The following USH2A variants were observed in gnomAD, a reference collection of about 807,000 sequenced individuals.
The protein encoded by USH2A is Usher syndrome 2A (autosomal recessive, mild).
In USH2A, 443 loss-of-function variants were observed where a neutral mutation model predicts 538.9. The observed-to-expected ratio is 0.82, with a 90% CI of 0.76 to 0.89. The LOEUF is 0.89. Among genes scored for constraint, USH2A ranks in the 40% least tolerant of loss-of-function variants. USH2A has a pLI of 0.00. For synonymous variants in USH2A, 2,413 were observed against 2,273.5 expected, an observed-to-expected ratio of 1.06 and a Z score of -1.75; for missense variants, 6,633 against 6,324.8, an observed-to-expected ratio of 1.05 and a Z score of -1.65.
At chr1:215,787,295 C>G (rs1661829364) in intron 51 of USH2A, among the ~76,000 whole-genome samples, 1 of 152,054 alleles carries the variant, frequency 6.6e-6, no homozygotes, top group Non-Finnish European at 1.5e-5. Context: ...TTTATTTTTG[C>G]TATTTGATAC....
At chr1:215,722,048 G>A (rs1298839186) in intron 61 of USH2A, among the ~76,000 whole-genome samples, 2 of 141,970 alleles carry the variant, frequency 1.4e-5, no homozygotes, top group Non-Finnish European at 3.0e-5. Flanking sequence ...CTGTGTGACA[G>A]AGCAAGACCC....
At chr1:216,255,758 G>T (rs2036247056) in intron 11 of USH2A, among the ~76,000 whole-genome samples, 1 of 152,096 alleles carries the variant, frequency 6.6e-6, no homozygotes, top group African/African-American at 2.4e-5. Context: ...GGTTGACAGT[G>T]TTGTTCTAAT....
intron 61 of USH2A, among the ~76,000 whole-genome samples, chr1:215,681,922 A>G (rs61331158): frequency 0.029 from 4,469 of 152,282 alleles, 214 homozygotes; most frequent in African/African-American, 0.1. Context: ...CAGACTCTGA[A>G]ACAAATTTTA....
intron 13 of USH2A, among the ~76,000 whole-genome samples, chr1:216,235,403 G>T (rs2035788536): frequency 6.6e-6 from 1 of 152,116 alleles, no homozygotes; most frequent in Non-Finnish European, 1.5e-5. Context: ...ACGTAGTGCT[G>T]AGAGTTCACA....
intron 11 of USH2A, among the ~76,000 whole-genome samples, chr1:216,278,028 C>T (rs750046617): frequency 2.6e-5 from 4 of 152,116 alleles, no homozygotes; most frequent in African/African-American, 7.2e-5. Context: ...AACTACATTG[C>T]TATTGGTAGC....
At position 216,229,266 on chromosome 1, in the gene USH2A, C is replaced by A. The variant is rs2035627966; in HGVS notation, c.2993+2687G>T. Among the ~76,000 whole-genome samples the A allele has an allele frequency of 2.0e-5, 3 of 151,886 alleles. No homozygotes were observed. The South Asian group carries it at 6.2e-4, about 32-fold the overall frequency. ...TTTAGCTCTATTTTCTAGACTCCAA[C>A]CTGCCCCTCATTCTTTTTGCGAATC... On this transcript the variant is annotated intron_variant, in intron 14 of 71. Coordinates refer to ENST00000307340, the MANE Select transcript of USH2A (RefSeq NM_206933.4).
At chr1:216,206,541 C>T (rs541670646) in intron 16 of USH2A, among the ~76,000 whole-genome samples, 5 of 152,244 alleles carry the variant, frequency 3.3e-5, no homozygotes, top group Admixed American at 6.5e-5. Flanking sequence ...GTAATGTCGC[C>T]GGCCTGCTGC....
chr1:215,935,923 T>C (rs1362377697), intron 37 of USH2A, among the ~76,000 whole-genome samples: 2 of 152,002 alleles, frequency 1.3e-5, no homozygotes, highest in African/African-American at 4.8e-5. Flanking sequence ...TATGAGCCTG[T>C]AGTTCTAGCT....
chr1:215,941,949 C>T (rs113053453), intron 37 of USH2A, among the ~76,000 whole-genome samples: 5 of 152,162 alleles, frequency 3.3e-5, no homozygotes, highest in Middle Eastern at 3.4e-3. Flanking sequence ...GGTATCACCA[C>T]GAACTTAGCA....
rs563004289 is a variant in USH2A, at chr1:215,640,326, G to A, written c.14968+232C>T. Among the ~76,000 whole-genome samples, 14 of 152,292 alleles carry A rather than the reference G, an allele frequency of 9.2e-5. No individual in the cohort carries two copies. The East Asian group carries it at 2.5e-3, about 27-fold the overall frequency. ...CTTCCTGGGGACCCTCCAGTCCTGT[G>A]GAGGCAGCGCTGTCCCCTTGAACTG... is the stretch of plus-strand genomic sequence containing the variant. On this transcript the variant is annotated intron_variant, in intron 68 of 71. Transcript: ENST00000307340.
Position 215,674,783 on chromosome 1 carries a change from C to T in USH2A, c.13128G>A (p.Trp4376Ter), listed in dbSNP as rs1349682845. 1 of 1,614,144 alleles carries T rather than the reference C, an allele frequency of 6.2e-7. No homozygotes were observed. Among genetic ancestry groups the T allele is most frequent in the Non-Finnish European group, 8.5e-7 (1 of 1,180,034 alleles). Residue 4376 changes from tryptophan (W) to a stop codon, truncating the protein, a stop_gained, in exon 63 of 72, where the codon TGG becomes TGA. Coordinates refer to ENST00000307340, the MANE Select transcript of USH2A (RefSeq NM_206933.4). LOFTEE classifies it high-confidence loss of function. ...TTCCATTTTGCACTGTGGGCGGTGA[C>T]CAACATACATTCATTTGAGTGGCAC... ...AVSATQMNVC[W>*]SPPTVQNGKI...
At chr1:216,241,311 T>G (rs1403423585) in intron 13 of USH2A, among the ~76,000 whole-genome samples, 1 of 152,190 alleles carries the variant, frequency 6.6e-6, no homozygotes, top group Non-Finnish European at 1.5e-5. Context: ...AGGTGTTTTC[T>G]CTAAGCACGG....
intron 36 of USH2A, among the ~76,000 whole-genome samples, chr1:215,969,899 A>G (rs914669544): frequency 4.6e-5 from 7 of 152,198 alleles, no homozygotes; most frequent in Admixed American, 4.6e-4. Flanking sequence ...CTAAAGAAGC[A>G]AAATCTAATT....
chr1:216,167,152 T>G (rs1216063159), intron 21 of USH2A, among the ~76,000 whole-genome samples: 1 of 152,106 alleles, frequency 6.6e-6, no homozygotes, highest in African/African-American at 2.4e-5. Flanking sequence ...ATATTATTAC[T>G]TAACATTTCC....
intron 21 of USH2A, among the ~76,000 whole-genome samples, chr1:216,126,244 G>C (rs543143276): frequency 2.2e-4 from 33 of 152,036 alleles, no homozygotes; most frequent in African/African-American, 7.7e-4. Context: ...TTTTTTTTGA[G>C]ATGAGGTCTT....
At position 216,073,311 on chromosome 1, in the gene USH2A, G is replaced by C; in HGVS notation, c.5573-11C>G. On this transcript the variant is annotated splice_polypyrimidine_tract_variant and intron_variant, in intron 27 of 71. Coordinates refer to ENST00000307340, the MANE Select transcript of USH2A (RefSeq NM_206933.4). ...TGCAACCACCGAAACCTAGCAAATAGTAAGGGATTAGTATCGCATAAAGGG... is the reference window on the plus strand; with the variant it reads ...TGCAACCACCGAAACCTAGCAAATACTAAGGGATTAGTATCGCATAAAGGG... The C allele has an allele frequency of 6.3e-7, 1 of 1,593,446 alleles. No individual in the cohort carries two copies. Among genetic ancestry groups the C allele is most frequent in the Non-Finnish European group, 8.5e-7 (1 of 1,174,032 alleles).
Position 215,827,392 on chromosome 1 carries a change from A to G in USH2A, c.9372-10197T>C, listed in dbSNP as rs773928103. Among the ~76,000 whole-genome samples, 4 of 152,306 alleles carry G rather than the reference A, an allele frequency of 2.6e-5. No homozygotes were observed. In the Middle Eastern group the frequency reaches 0.01, roughly 389 times the overall value. On this transcript the variant is annotated intron_variant, in intron 47 of 71. Coordinates refer to ENST00000307340, the MANE Select transcript of USH2A (RefSeq NM_206933.4). ...CGACCGAGCTGTTTCTATGGGAGCT[A>G]CAAGAGGTAAAGAAGTTAGGAGGAG...
intron 61 of USH2A, among the ~76,000 whole-genome samples, chr1:215,712,431 C>T (rs1446820468): frequency 6.6e-6 from 1 of 152,156 alleles, no homozygotes; most frequent in Non-Finnish European, 1.5e-5. Flanking sequence ...GCAGCACTGT[C>T]GTTTTTGAAG....
At chr1:215,951,806 T>C (rs904528729) in intron 37 of USH2A, among the ~76,000 whole-genome samples, 38 of 152,230 alleles carry the variant, frequency 2.5e-4, no homozygotes, top group Non-Finnish European at 5.4e-4. Context: ...TACCATTCTG[T>C]AATGGCCTTC....
Sources: allele counts gnomAD v4.1 joint callset (sites outside exome capture counted in the v4.1 genomes callset), GRCh38; gene constraint gnomAD v4.1.1; transcripts MANE v1.5; gene names NCBI Gene and HGNC (gene_info 2026-07-23, HGNC 2026-07-21).